Variants in PTK2 observed in about 807,000 individuals in gnomAD.
The protein encoded by PTK2 is focal adhesion kinase 1.
Under a neutral mutation model 150.1 loss-of-function variants are expected in PTK2, and 45 were observed. That is an observed-to-expected ratio of 0.30 (90% CI 0.24 to 0.38). The LOEUF is 0.38. Ranked by LOEUF, PTK2 falls within the 10% of genes least tolerant of loss-of-function variation. PTK2 has a pLI of 1.00. For synonymous variants in PTK2, 432 were observed against 449.2 expected, an observed-to-expected ratio of 0.96 and a Z score of 0.48; for missense variants, 919 against 1,307.3, an observed-to-expected ratio of 0.70 and a Z score of 4.58.
At chr8:140,735,181 T>C in intron 22 of PTK2, 70 bp downstream of exon 25, 1 of 1,420,262 alleles carries the variant, frequency 7.0e-7, no homozygotes, top group Middle Eastern at 2.2e-4. Flanking sequence ...CTTAAAATGC[T>C]ATTACTGCAA....
chr8:140,888,773 CT>C (rs33962881), intron 3 of PTK2, among the ~76,000 whole-genome samples: 61,768 of 151,958 alleles, frequency 0.41, 14,584 homozygotes, highest in Non-Finnish European at 0.54. Flanking sequence ...AACATTTTTG[CT>C]AAATGTCTTG....
chr8:140,673,131 G>A (rs2100011612), intron 29 of PTK2, among the ~76,000 whole-genome samples: 1 of 150,608 alleles, frequency 6.6e-6, no homozygotes, highest in South Asian at 2.1e-4. Flanking sequence ...ACCTCGAGAC[G>A]GAATCTTGCT....
chr8:140,869,218 C>T (rs548118500), intron 4 of PTK2, among the ~76,000 whole-genome samples: 7 of 139,638 alleles, frequency 5.0e-5, no homozygotes, highest in South Asian at 4.5e-4. Context: ...AATTTTAAAG[C>T]GCCTGATATC....
At chr8:140,933,590 A>AC (rs1213410996) in intron 1 of PTK2, among the ~76,000 whole-genome samples, 3 of 152,260 alleles carry the variant, frequency 2.0e-5, no homozygotes, top group African/African-American at 7.2e-5. Context: ...AAGTACTGAT[A>AC]CATGCTACAA....
intron 29 of PTK2, chr8:140,669,493 T>C: frequency 2.0e-6 from 1 of 495,700 alleles, no homozygotes; most frequent in Non-Finnish European, 3.5e-6. Flanking sequence ...GTTCCAAAAG[T>C]CTGGGTATGA....
At chr8:140,707,601 T>C (rs1457085301) in intron 23 of PTK2, among the ~76,000 whole-genome samples, 1 of 152,088 alleles carries the variant, frequency 6.6e-6, no homozygotes, top group African/African-American at 2.4e-5. Context: ...GATGGGGTTT[T>C]GCCATGTTGG....
intron 1 of PTK2, among the ~76,000 whole-genome samples, chr8:140,951,649 G>C (rs550634715): frequency 6.6e-6 from 1 of 152,338 alleles, no homozygotes; most frequent in African/African-American, 2.4e-5. Context: ...CTGGAAGGCT[G>C]AGGTGGGAGA....
At chr8:140,874,290 C>G (rs1273206303) in intron 4 of PTK2, among the ~76,000 whole-genome samples, 1 of 152,196 alleles carries the variant, frequency 6.6e-6, no homozygotes, top group Non-Finnish European at 1.5e-5. Context: ...GTTTATTCAA[C>G]AGTATGAATA....
At chr8:140,726,093 AATCTCCATTGGATGAAGTGATCAG>A (rs1428984800) in intron 22 of PTK2, among the ~76,000 whole-genome samples, 7 of 152,214 alleles carry the variant, frequency 4.6e-5, no homozygotes, top group African/African-American at 1.7e-4. Flanking sequence ...TATGAAATAA[AATCTCCATTGGATGAAGTGATCAG>A]TAGGATGGGG....
At chr8:140,841,800 C>T (rs550216402) in intron 7 of PTK2, among the ~76,000 whole-genome samples, 2 of 151,578 alleles carry the variant, frequency 1.3e-5, no homozygotes, top group African/African-American at 4.8e-5. Context: ...TAAAAATGGC[C>T]ATATATGTGA....
chr8:140,788,464 A>G (rs762122712), intron 14 of PTK2, among the ~76,000 whole-genome samples: 13 of 152,178 alleles, frequency 8.5e-5, no homozygotes, highest in Non-Finnish European at 1.3e-4. Flanking sequence ...CAGGCGGATC[A>G]TCTGAGGTCA....
intron 23 of PTK2, among the ~76,000 whole-genome samples, chr8:140,707,508 T>G (rs922774353): frequency 2.0e-5 from 3 of 152,008 alleles, no homozygotes; most frequent in Admixed American, 1.3e-4. Context: ...CGGGTTTGAG[T>G]GATTCTCGTG....
chr8:140,828,112 G>A (rs1286038013), intron 8 of PTK2, among the ~76,000 whole-genome samples: 2 of 150,992 alleles, frequency 1.3e-5, no homozygotes, highest in Non-Finnish European at 2.9e-5. Flanking sequence ...GTTGCAGCGA[G>A]TCGAGATCAC....
chr8:140,848,782 G>C (rs1484809842), intron 5 of PTK2, among the ~76,000 whole-genome samples: 2 of 152,142 alleles, frequency 1.3e-5, no homozygotes, highest in African/African-American at 4.8e-5. Context: ...AACCAAGATA[G>C]GTATTTAGAT....
At chr8:140,828,191 T>C (rs1015920057) in intron 8 of PTK2, among the ~76,000 whole-genome samples, 1 of 147,736 alleles carries the variant, frequency 6.8e-6, no homozygotes, top group Non-Finnish European at 1.5e-5. Flanking sequence ...AAAGAGAAAG[T>C]AGAATTAAAA....
chr8:140,669,695 T>C (rs1281886204), intron 29 of PTK2, 32 bp downstream of exon 33: 1 of 1,531,144 alleles, frequency 6.5e-7, no homozygotes, highest in Non-Finnish European at 8.8e-7. Context: ...TAGAGAGAGC[T>C]GGACAGACAC....
intron 23 of PTK2, among the ~76,000 whole-genome samples, chr8:140,715,016 C>G (rs1374618337): frequency 6.6e-6 from 1 of 151,666 alleles, no homozygotes; most frequent in Non-Finnish European, 1.5e-5. Flanking sequence ...ACGATGGACA[C>G]TGAGAAGGTA....
intron 27 of PTK2, 32 bp downstream of exon 30, chr8:140,686,600 G>A: frequency 6.3e-7 from 1 of 1,581,478 alleles, no homozygotes; most frequent in South Asian, 1.1e-5. Flanking sequence ...AGGAGAACTG[G>A]AAATCAAATC....
exon 10 of PTK2, chr8:140,818,312 C>T: frequency 1.2e-6 from 2 of 1,614,130 alleles, no homozygotes; most frequent in Non-Finnish European, 1.7e-6. Context: ...CTGATTCCTT[C>T]TTCTGGGCCG....
Sources: allele counts gnomAD v4.1 joint callset (sites outside exome capture counted in the v4.1 genomes callset), GRCh38; gene constraint gnomAD v4.1.1; transcripts MANE v1.5; gene names NCBI Gene and HGNC (gene_info 2026-07-23, HGNC 2026-07-21).